The following PASD1 variants were observed in gnomAD, a reference collection of about 807,000 sequenced individuals.
The protein encoded by PASD1 is PAS domain containing repressor 1.
In PASD1, 13 loss-of-function variants were observed where a neutral mutation model predicts 58.8. The observed-to-expected ratio is 0.22, with a 90% CI of 0.14 to 0.35. PASD1 has a LOEUF of 0.35. PASD1 is among the 10% of genes least tolerant of loss of function. PASD1 has a pLI of 1.00. For missense variants in PASD1, 734 were observed against 568.3 expected, an observed-to-expected ratio of 1.29 and a Z score of -2.96; for synonymous variants, 236 against 216.7, an observed-to-expected ratio of 1.09 and a Z score of -0.78.
chrX:151,612,087 C>A (rs896187404), intron 4 of PASD1, among the ~76,000 whole-genome samples: 4 of 98,887 alleles, frequency 4.0e-5, no homozygotes, highest in Admixed American at 3.3e-4. Context: ...TTTGTCCTTG[C>A]CATAGTTTGC....
chrX:151,652,532 C>CAAAAAAAAAAAAAAAA (rs68106404), intron 9 of PASD1, among the ~76,000 whole-genome samples: 1 of 69,174 alleles, frequency 1.4e-5, no homozygotes, highest in Non-Finnish European at 2.9e-5. Flanking sequence ...GACTCCGTCT[C>CAAAAAAAAAAAAAAAA]AAAAAAAAAA....
At chrX:151,611,083 G>A (rs56167218) in intron 3 of PASD1, among the ~76,000 whole-genome samples, 42,389 of 110,187 alleles carry the variant, frequency 0.38, 6,160 homozygotes, top group African/African-American at 0.44. Context: ...ATATTCTCCA[G>A]TGTCTTAATT....
chrX:151,565,436 T>TG (rs1432643923), intron 1 of PASD1, among the ~76,000 whole-genome samples: 1 of 111,157 alleles, frequency 9.0e-6, no homozygotes, highest in African/African-American at 3.3e-5. Context: ...AGGGAGGATG[T>TG]GGGGGCGGGA....
intron 4 of PASD1, among the ~76,000 whole-genome samples, chrX:151,615,031 A>C (rs188517158): frequency 1.0e-3 from 116 of 111,612 alleles, no homozygotes; most frequent in African/African-American, 3.4e-3. Flanking sequence ...AGTCTTTTAA[A>C]ATATATATTA....
chrX:151,649,199 A>G (rs890074721), intron 9 of PASD1, among the ~76,000 whole-genome samples: 10 of 112,198 alleles, frequency 8.9e-5, no homozygotes, highest in Non-Finnish European at 1.3e-4. Context: ...ACATAAAACC[A>G]AACTGCAAGG....
intron 8 of PASD1, among the ~76,000 whole-genome samples, chrX:151,638,992 G>C (rs751921985): frequency 3.6e-4 from 40 of 111,454 alleles, no homozygotes; most frequent in African/African-American, 1.2e-3. Context: ...CATTGCACTT[G>C]GAATAAAATC....
In PASD1 at chrX:151,604,699, C is replaced by A. The variant is rs1427682514; in HGVS notation, c.82C>A (p.Pro28Thr). 2.2e-5 allele frequency: 27 copies of A among 1,207,255 alleles called. No homozygotes were observed. The highest frequency in any genetic ancestry group is 2.8e-5 in the Non-Finnish European group (25 of 893,115). The change falls in exon 3 of 16, where the codon CCT becomes ACT. Residue 28 changes from proline to threonine, a missense_variant. Physicochemically the swap from Pro to Thr is conservative, Grantham distance 38. Transcript: ENST00000370357. The part of the protein sequence containing the change: ...QRKLNWIPSF[P>T]TYDYFNQVTL... ...GAAATTAAACTGGATTCCATCATTT[C>A]CTACCTATGATTACTTCAACCAAGT...
chrX:151,625,869 C>A (rs10126165), intron 8 of PASD1, among the ~76,000 whole-genome samples: 3,063 of 110,994 alleles, frequency 0.028, 98 homozygotes, highest in African/African-American at 0.094. Flanking sequence ...ATCAGTTGAG[C>A]CCGGGATATC....
At chrX:151,612,232 C>T (rs796813566) in intron 4 of PASD1, among the ~76,000 whole-genome samples, 14,910 of 75,482 alleles carry the variant, frequency 0.2, 2,074 homozygotes, top group African/African-American at 0.23. Context: ...GGACATTTGG[C>T]TGGTTCCAAG....
At chrX:151,668,834 G>A (rs758494054) in intron 11 of PASD1, among the ~76,000 whole-genome samples, 18 of 108,667 alleles carry the variant, frequency 1.7e-4, no homozygotes, top group African/African-American at 6.0e-4. Flanking sequence ...TAGAAAAAGA[G>A]GGAATCCTAC....
At chrX:151,581,227 C>A (rs1417212965) in intron 1 of PASD1, among the ~76,000 whole-genome samples, 23 of 31,495 alleles carry the variant, frequency 7.3e-4, no homozygotes, top group South Asian at 5.0e-3. Flanking sequence ...AGCTCTGTAT[C>A]AAAAAAAAAA....
intron 3 of PASD1, among the ~76,000 whole-genome samples, chrX:151,609,770 A>G (rs1424432569): frequency 9.4e-6 from 1 of 106,363 alleles, no homozygotes; most frequent in Non-Finnish European, 1.9e-5. Flanking sequence ...GCATAGGTGT[A>G]CACATACCTG....
chrX:151,609,395 C>T (rs1194213557), intron 3 of PASD1, among the ~76,000 whole-genome samples: 1 of 111,519 alleles, frequency 9.0e-6, no homozygotes, highest in Non-Finnish European at 1.9e-5. Flanking sequence ...ATTGTGCAAC[C>T]ATCACCACCA....
At chrX:151,621,173 C>G (rs1431418389) in intron 5 of PASD1, 144 bp downstream of exon 5, 2 of 407,823 alleles carry the variant, frequency 4.9e-6, no homozygotes, top group African/African-American at 5.1e-5. Context: ...ATTACAAACT[C>G]TATTTCTAGT....
chrX:151,615,660 G>C (rs1350593685), intron 4 of PASD1, among the ~76,000 whole-genome samples: 3 of 111,368 alleles, frequency 2.7e-5, no homozygotes, highest in Non-Finnish European at 3.8e-5. Context: ...GAGTGTCTGC[G>C]TGGCTCCAGG....
intron 1 of PASD1, among the ~76,000 whole-genome samples, chrX:151,567,052 A>G (rs1376999706): frequency 2.5e-5 from 2 of 81,200 alleles, no homozygotes; most frequent in Non-Finnish European, 4.4e-5. Context: ...CTCAAAATAA[A>G]TAAATAAATA....
intron 15 of PASD1, 131 bp downstream of exon 15, chrX:151,674,317 G>T: frequency 1.1e-6 from 1 of 880,925 alleles, no homozygotes; most frequent in Non-Finnish European, 1.6e-6. Context: ...TACATTTGAC[G>T]GCAGTTAGTC....
intron 8 of PASD1, among the ~76,000 whole-genome samples, chrX:151,640,678 G>C (rs145043345): frequency 1.8e-5 from 2 of 111,647 alleles, no homozygotes; most frequent in East Asian, 5.7e-4. Flanking sequence ...TATATGATGG[G>C]GAACTGTGTA....
chrX:151,617,759 T>C (rs1415202797), intron 4 of PASD1, among the ~76,000 whole-genome samples: 1 of 112,179 alleles, frequency 8.9e-6, no homozygotes, highest in Non-Finnish European at 1.9e-5. Flanking sequence ...AAAGGAACAA[T>C]AGACATGGAA....
Sources: gnomAD v4.1 joint callset for allele counts (sites outside exome capture counted in the v4.1 genomes callset) on GRCh38, gnomAD v4.1.1 for gene constraint, MANE v1.5 for transcripts, NCBI Gene and HGNC (gene_info 2026-07-23, HGNC 2026-07-21) for gene names.